FBXL20: variants seen among roughly 807,000 people sequenced by gnomAD.
The protein encoded by FBXL20 is F-box/LRR-repeat protein 20.
In FBXL20, 11 loss-of-function variants were observed where a neutral mutation model predicts 64.0. The ratio of observed to expected loss-of-function variants is 0.17; its 90% CI spans 0.11 to 0.28. FBXL20 has a LOEUF of 0.28. Ranked by LOEUF, FBXL20 falls within the 10% of genes least tolerant of loss-of-function variation. The pLI is 1.00. For synonymous variants in FBXL20, 184 were observed against 189.0 expected (o/e 0.97, Z 0.22); for missense variants, 303 against 526.2 (o/e 0.58, Z 4.15).
chr17:39,367,324 T>C (rs1316644386), intron 1 of FBXL20, among the ~76,000 whole-genome samples: 4 of 151,388 alleles, frequency 2.6e-5, no homozygotes, highest in African/African-American at 7.3e-5. Context: ...CTTTTCTTTT[T>C]TTTTTTTTTG....
intron 2 of FBXL20, among the ~76,000 whole-genome samples, chr17:39,327,052 A>AT (rs2047415830): frequency 6.6e-6 from 1 of 152,046 alleles, no homozygotes; most frequent in Non-Finnish European, 1.5e-5. Context: ...GTCTCCACTA[A>AT]TTTTTTTATT....
At chr17:39,369,886 C>T (rs1474007908) in intron 1 of FBXL20, among the ~76,000 whole-genome samples, 1 of 152,084 alleles carries the variant, frequency 6.6e-6, no homozygotes, top group Non-Finnish European at 1.5e-5. Flanking sequence ...TCCTCCTACC[C>T]TCCTCCAAAA....
intron 1 of FBXL20, among the ~76,000 whole-genome samples, chr17:39,372,792 AT>A (rs540167476): frequency 5.6e-4 from 85 of 151,310 alleles, no homozygotes; most frequent in Non-Finnish European, 1.2e-3. Context: ...CACCTGGCTA[AT>A]TTTTTGTATT....
intron 12 of FBXL20, among the ~76,000 whole-genome samples, chr17:39,267,190 T>G (rs2046799321): frequency 6.6e-6 from 1 of 151,878 alleles, no homozygotes; most frequent in Non-Finnish European, 1.5e-5. Context: ...AAGTGGAGGT[T>G]GCAGTGAGCC....
At chr17:39,352,273 T>C (rs569191533) in intron 1 of FBXL20, among the ~76,000 whole-genome samples, 1 of 152,128 alleles carries the variant, frequency 6.6e-6, no homozygotes, top group South Asian at 2.1e-4. Context: ...TGTGTGCCGG[T>C]AGTTCCAGCT....
intron 1 of FBXL20, among the ~76,000 whole-genome samples, chr17:39,385,364 G>A (rs1165401037): frequency 6.6e-6 from 1 of 152,210 alleles, no homozygotes; most frequent in East Asian, 1.9e-4. Flanking sequence ...TCTGGGGAAT[G>A]AGGTGGGGAG....
At chr17:39,386,346 G>A (rs569516626) in intron 1 of FBXL20, among the ~76,000 whole-genome samples, 19 of 151,388 alleles carry the variant, frequency 1.3e-4, no homozygotes, top group Non-Finnish European at 2.2e-4. Context: ...AATCAGTCTA[G>A]GGACGGGTGA....
At chr17:39,337,555 G>A (rs1262853526) in intron 2 of FBXL20, among the ~76,000 whole-genome samples, 15 of 149,666 alleles carry the variant, frequency 1.0e-4, no homozygotes, top group South Asian at 2.1e-4. Flanking sequence ...CCTCTGCCCC[G>A]CCGCCCCGTC....
At chr17:39,339,460 T>C (rs2047560932) in intron 2 of FBXL20, among the ~76,000 whole-genome samples, 1 of 152,000 alleles carries the variant, frequency 6.6e-6, no homozygotes, top group Non-Finnish European at 1.5e-5. Context: ...GCAGGAGACT[T>C]TTCTGTATTC....
intron 12 of FBXL20, among the ~76,000 whole-genome samples, chr17:39,266,224 T>G (rs949923221): frequency 8.1e-6 from 1 of 123,478 alleles, no homozygotes; most frequent in Admixed American, 7.6e-5. Context: ...TAGTTTGTTG[T>G]TTTTTTTTTT....
intron 10 of FBXL20, among the ~76,000 whole-genome samples, chr17:39,273,043 G>T (rs561492523): frequency 3.0e-4 from 46 of 152,114 alleles, no homozygotes; most frequent in Admixed American, 9.2e-4. Flanking sequence ...AGGTTTTTTT[G>T]TTTGTTTGTT....
In FBXL20 at chr17:39,275,035, G is replaced by C. The variant is rs1260441217; in HGVS notation, c.762C>G (p.Ala254=). The C allele has an allele frequency of 6.2e-7, 1 of 1,614,034 alleles. No individual in the cohort carries two copies. The highest frequency in any genetic ancestry group is 1.7e-5 in the Admixed American group (1 of 59,976). Residue 254 remains alanine (A), a synonymous_variant, in exon 10 of 15, where the codon GCC becomes GCG. Transcript: ENST00000264658. ...RGCHKLQSLC[A]SGCSNITDAI... ...CATCTGTGATGTTGGAGCAGCCAGAGGCACAAAGGGATTGTAACTTATGGC... is the reference window on the plus strand; with the variant it reads ...CATCTGTGATGTTGGAGCAGCCAGACGCACAAAGGGATTGTAACTTATGGC...
At chr17:39,309,848 A>G (rs1352554643) in intron 2 of FBXL20, among the ~76,000 whole-genome samples, 5 of 151,084 alleles carry the variant, frequency 3.3e-5, no homozygotes, top group Non-Finnish European at 7.4e-5. Flanking sequence ...AAAGAAGAAG[A>G]ACAAGAAAAA....
intron 2 of FBXL20, 93 bp downstream of exon 2, chr17:39,343,087 C>A: frequency 1.3e-6 from 1 of 779,840 alleles, no homozygotes; most frequent in Admixed American, 2.9e-5. Flanking sequence ...AGATACTATA[C>A]ATATATGAAA....
chr17:39,285,647 CTTA>C, intron 6 of FBXL20, 74 bp from the exon 7 acceptor site: 1 of 922,750 alleles, frequency 1.1e-6, no homozygotes. Flanking sequence ...AGACACTGTT[CTTA>C]TTAAACACAT....
intron 2 of FBXL20, among the ~76,000 whole-genome samples, chr17:39,307,990 T>C (rs960830538): frequency 1.4e-5 from 2 of 147,266 alleles, no homozygotes; most frequent in African/African-American, 5.1e-5. Flanking sequence ...AAAAAAAAAA[T>C]TTAAAAGACT....
chr17:39,296,559 C>CAAAAAA (rs60002793), intron 6 of FBXL20, among the ~76,000 whole-genome samples: 4 of 62,156 alleles, frequency 6.4e-5, no homozygotes, highest in African/African-American at 5.2e-5. Context: ...GACTCTGTCT[C>CAAAAAA]AAAAAAAAAA....
At chr17:39,339,297 C>T (rs981772605) in intron 2 of FBXL20, among the ~76,000 whole-genome samples, 1 of 151,912 alleles carries the variant, frequency 6.6e-6, no homozygotes, top group African/African-American at 2.4e-5. Context: ...AGCAATACCC[C>T]ATCTCTATGA....
chr17:39,349,919 G>C (rs908704276), intron 1 of FBXL20, among the ~76,000 whole-genome samples: 1 of 145,568 alleles, frequency 6.9e-6, no homozygotes, highest in Admixed American at 6.9e-5. Flanking sequence ...CTGGGCTAAA[G>C]AGCGAGACTC....
Sources: gnomAD v4.1 joint callset for allele counts (sites outside exome capture counted in the v4.1 genomes callset) on GRCh38, gnomAD v4.1.1 for gene constraint, MANE v1.5 for transcripts, NCBI Gene and HGNC (gene_info 2026-07-23, HGNC 2026-07-21) for gene names.